RAI1: variants seen among roughly 807,000 people sequenced by gnomAD.
RAI1 encodes retinoic acid-induced protein 1.
In RAI1, 9 loss-of-function variants were observed where a neutral mutation model predicts 123.8. That is an observed-to-expected ratio of 0.07 (90% CI 0.04 to 0.13). The LOEUF (loss-of-function observed/expected upper bound fraction) is 0.13. Among genes scored for constraint, RAI1 ranks in the 10% least tolerant of loss-of-function variants. The pLI, the probability that RAI1 is intolerant of heterozygous loss-of-function variation, is 1.00. For synonymous variants in RAI1, 1,231 were observed against 1,127.3 expected, an observed-to-expected ratio of 1.09 and a Z score of -1.84; for missense variants, 2,256 against 2,545.8, an observed-to-expected ratio of 0.89 and a Z score of 2.45.
At chr17:17,704,052 G>A (rs1476018930) in intron 1 of RAI1, among the ~76,000 whole-genome samples, 1 of 152,162 alleles carries the variant, frequency 6.6e-6, no homozygotes, top group Non-Finnish European at 1.5e-5. Flanking sequence ...AGCAGTCAGG[G>A]CGGCAGGCTT....
Position 17,810,280 on chromosome 17 carries a change from T to C in RAI1, c.*299T>C. 1 of 469,970 alleles carries C rather than the reference T, an allele frequency of 2.1e-6. No homozygotes were observed. The highest frequency in any genetic ancestry group is 3.6e-5 in the East Asian group (1 of 27,548). 29.1% of individuals were successfully genotyped at this position (469,970 alleles called of 1,614,324 possible). A position where few individuals can be genotyped will look rare whatever the true frequency, so the allele number is the denominator to read the frequency against. On this transcript the variant is annotated 3_prime_UTR_variant, in exon 6 of 6. Transcript: ENST00000353383. The surrounding 1 kb of genome is among the most constrained non-coding windows in gnomAD (Gnocchi z 4.6). ...GGGGGAGCCCGCGGAGCGGCCAGAC[T>C]CCCCGGGGCGCTCAGCCTCCGGCGA...
rs75335614 is a variant in RAI1 at position 17,722,209 on chromosome 17, G to A, written c.-148-1819G>A. Reference sequence around the variant, plus strand: ...TGTGATCCCTGGTGCAGTAACTCCGGTAGATGGATGGACACGTGGATGGAT... The same window carrying A: ...TGTGATCCCTGGTGCAGTAACTCCGATAGATGGATGGACACGTGGATGGAT... On this transcript the variant is annotated intron_variant, in intron 1 of 5. Coordinates refer to ENST00000353383, the MANE Select transcript of RAI1 (RefSeq NM_030665.4). Among the ~76,000 whole-genome samples the A allele has an allele frequency of 2.7e-3, 416 of 152,268 alleles. 2 individuals carry two copies. The highest frequency in any genetic ancestry group is 9.2e-3 in the African/African-American group (382 of 41,510).
chr17:17,689,672 C>A (rs1171330445), intron 1 of RAI1, among the ~76,000 whole-genome samples: 3 of 152,188 alleles, frequency 2.0e-5, no homozygotes, highest in Non-Finnish European at 4.4e-5. Context: ...CCAGGGTCTA[C>A]CACTTGCGAA....
chr17:17,808,394 ATTTTATTTTATTTTATTTTATTATT>A (rs2032638207), intron 4 of RAI1, among the ~76,000 whole-genome samples: 3 of 97,596 alleles, frequency 3.1e-5, no homozygotes, highest in African/African-American at 1.6e-4. Context: ...TTATTATTTT[ATTTTATTTTATTTTATTTTATTATT>A]TTATTTTATT....
At chr17:17,780,457 C>T (rs956208873) in intron 2 of RAI1, among the ~76,000 whole-genome samples, 2 of 152,074 alleles carry the variant, frequency 1.3e-5, no homozygotes, top group African/African-American at 4.8e-5. Flanking sequence ...CCCCTGGGTG[C>T]CTGTATCCTG....
intron 2 of RAI1, among the ~76,000 whole-genome samples, chr17:17,737,436 T>C (rs9892814): frequency 0.046 from 6,968 of 152,246 alleles, 475 homozygotes; most frequent in African/African-American, 0.15. Flanking sequence ...CCCAAAACCC[T>C]GGCCTGTGCT....
intron 2 of RAI1, among the ~76,000 whole-genome samples, chr17:17,732,843 C>T (rs1413336510): frequency 1.3e-5 from 2 of 152,240 alleles, no homozygotes; most frequent in Non-Finnish European, 2.9e-5. Flanking sequence ...GCAGAGCCTA[C>T]CACCTCCTCT....
At chr17:17,767,183 G>C (rs1262552128) in intron 2 of RAI1, among the ~76,000 whole-genome samples, 1 of 152,184 alleles carries the variant, frequency 6.6e-6, no homozygotes, top group Non-Finnish European at 1.5e-5. Context: ...TCCCAGGGAG[G>C]ACCCCGGGGC....
intron 2 of RAI1, among the ~76,000 whole-genome samples, chr17:17,788,161 C>CAT (rs2031891518): frequency 6.6e-6 from 1 of 152,144 alleles, no homozygotes; most frequent in Non-Finnish European, 1.5e-5. Context: ...AGGAGGGATG[C>CAT]ATATCCAAGC....
intron 2 of RAI1, among the ~76,000 whole-genome samples, chr17:17,734,980 C>T (rs186601007): frequency 2.0e-5 from 3 of 152,286 alleles, no homozygotes; most frequent in Non-Finnish European, 4.4e-5. Flanking sequence ...GGGCTTTGCA[C>T]CTCCAGAGAG....
At chr17:17,689,258 C>A (rs981390824) in intron 1 of RAI1, among the ~76,000 whole-genome samples, 1 of 152,202 alleles carries the variant, frequency 6.6e-6, no homozygotes, top group Non-Finnish European at 1.5e-5. Context: ...CCACCACGCC[C>A]GGCCAATTAT....
intron 3 of RAI1, chr17:17,802,085 G>A (rs1018199365): frequency 4.0e-5 from 19 of 470,902 alleles, no homozygotes; most frequent in Admixed American, 3.8e-4. Flanking sequence ...CTCCCTCCCC[G>A]GCCTCAGGTT....
chr17:17,791,907 G>C (rs1030877650), intron 2 of RAI1, among the ~76,000 whole-genome samples: 1 of 152,120 alleles, frequency 6.6e-6, no homozygotes, highest in Non-Finnish European at 1.5e-5. Flanking sequence ...GCAGGGGCAG[G>C]TTAGACCCCT....
intron 1 of RAI1, among the ~76,000 whole-genome samples, chr17:17,686,594 T>TGTGTGTGTGTGTGTGC (rs1914643786): frequency 6.8e-6 from 1 of 146,556 alleles, no homozygotes; most frequent in Non-Finnish European, 1.5e-5. Context: ...TGTGTGTGTG[T>TGTGTGTGTGTGTGTGC]GTGTGTGTGT....
At chr17:17,786,090 G>A (rs1430138980) in intron 2 of RAI1, among the ~76,000 whole-genome samples, 7 of 152,280 alleles carry the variant, frequency 4.6e-5, no homozygotes, top group Middle Eastern at 3.4e-3. Context: ...GCCGCAGTCC[G>A]CTGGTGCTGA....
At chr17:17,689,680 G>A (rs1032173471) in intron 1 of RAI1, among the ~76,000 whole-genome samples, 4 of 152,178 alleles carry the variant, frequency 2.6e-5, no homozygotes, top group Non-Finnish European at 5.9e-5. Context: ...TACCACTTGC[G>A]AACTTAGCCA....
At position 17,796,181 on chromosome 17, in the gene RAI1, C is replaced by T. The variant is rs2032237947; in HGVS notation, c.3233C>T (p.Pro1078Leu). The change falls in exon 3 of 6, where the codon CCT becomes CTT. Residue 1078 changes from proline (P) to leucine (L), a missense_variant. Pro to Leu is a moderately conservative substitution (Grantham distance 98). This residue lies in a region of RAI1 where 566 missense variants were observed against 616.0 expected (regional missense o/e 0.92). Transcript: ENST00000353383. This position sits in a 1 kb window ranked among gnomAD's most constrained non-coding sequence, Gnocchi z 5.8. Reference protein sequence around the residue: ...TPGPPGLTTTPAPPDKLGGKQ... With the variant: ...TPGPPGLTTTLAPPDKLGGKQ... Reference sequence around the variant, plus strand: ...GGACCCCCAGGCCTGACCACCACCCCTGCACCCCCAGACAAACTGGGGGGC... The same window carrying T: ...GGACCCCCAGGCCTGACCACCACCCTTGCACCCCCAGACAAACTGGGGGGC... 5 of 1,555,794 alleles carry T rather than the reference C, an allele frequency of 3.2e-6. No individual in the cohort carries two copies. The highest frequency in any genetic ancestry group is 4.3e-6 in the Non-Finnish European group (5 of 1,150,044).
At chr17:17,693,495 G>A (rs1281655322) in intron 1 of RAI1, among the ~76,000 whole-genome samples, 4 of 152,200 alleles carry the variant, frequency 2.6e-5, no homozygotes, top group Non-Finnish European at 2.9e-5. Flanking sequence ...AAGATGCTGC[G>A]AGGGGGCTCC....
intron 1 of RAI1, among the ~76,000 whole-genome samples, chr17:17,699,627 G>T (rs1374571624): frequency 1.5e-5 from 2 of 137,290 alleles, no homozygotes; most frequent in Non-Finnish European, 3.2e-5. Flanking sequence ...TTGTCGGGGG[G>T]CCGGGGGGGG....
Sources: allele counts gnomAD v4.1 joint callset (sites outside exome capture counted in the v4.1 genomes callset), GRCh38; gene constraint gnomAD v4.1.1; regional missense constraint gnomAD v4.1.1; non-coding constraint Gnocchi (gnomAD v3.1); transcripts MANE v1.5; gene names NCBI Gene and HGNC (gene_info 2026-07-23, HGNC 2026-07-21).